PRKD2: variants seen among roughly 807,000 people sequenced by gnomAD.
PRKD2 encodes the protein serine/threonine-protein kinase D2.
In PRKD2, 22 loss-of-function variants were observed where a neutral mutation model predicts 86.0. The ratio of observed to expected loss-of-function variants is 0.26; its 90% CI spans 0.18 to 0.37. PRKD2 has a LOEUF of 0.37. PRKD2 is among the 10% of genes least tolerant of loss of function. The pLI is 1.00. For missense variants in PRKD2, 818 were observed against 1,199.2 expected (o/e 0.68, Z 4.70); for synonymous variants, 509 against 510.9 (o/e 1.00, Z 0.05).
At chr19:46,674,822 C>CT in intron 17 of PRKD2, 87 bp from the exon 18 acceptor site, 1 of 1,413,926 alleles carries the variant, frequency 7.1e-7, no homozygotes, top group Non-Finnish European at 9.6e-7. Flanking sequence ...GAGCTGGGTA[C>CT]CAATGAAGGT....
chr19:46,685,979 G>A (rs1409223453), intron 14 of PRKD2: 4 of 152,012 alleles, frequency 2.6e-5, no homozygotes, highest in African/African-American at 4.8e-5. Context: ...GTCTGGATGA[G>A]GGTGCATCAG....
intron 13 of PRKD2, 85 bp downstream of exon 13, chr19:46,690,514 CA>C: frequency 1.6e-6 from 2 of 1,227,034 alleles, no homozygotes; most frequent in East Asian, 4.7e-5. Flanking sequence ...TGCCCTCCCC[CA>C]GGAAGCCTTC....
At chr19:46,713,463 C>T (rs2053837450) in intron 2 of PRKD2, among the ~76,000 whole-genome samples, 2 of 152,042 alleles carry the variant, frequency 1.3e-5, no homozygotes, top group South Asian at 2.1e-4. Flanking sequence ...CAGGAAAGGC[C>T]GCACATCACA....
At chr19:46,698,504 T>C (rs2053592500) in intron 7 of PRKD2, among the ~76,000 whole-genome samples, 1 of 152,240 alleles carries the variant, frequency 6.6e-6, no homozygotes, top group Non-Finnish European at 1.5e-5. Context: ...CTTAGTACAG[T>C]GCCTGGCATA....
At chr19:46,676,648 C>T (rs1198771955) in intron 16 of PRKD2, among the ~76,000 whole-genome samples, 3 of 152,230 alleles carry the variant, frequency 2.0e-5, no homozygotes, top group South Asian at 2.1e-4. Context: ...TGCACACAGG[C>T]ACCCTGCTCC....
intron 3 of PRKD2, among the ~76,000 whole-genome samples, chr19:46,706,487 C>T (rs1240032474): frequency 6.6e-6 from 1 of 152,192 alleles, no homozygotes; most frequent in Non-Finnish European, 1.5e-5. Flanking sequence ...ACACAGGAAC[C>T]ATTTCCCAGT....
In PRKD2 at chr19:46,704,524, C is replaced by G; in HGVS notation, c.637G>C (p.Glu213Gln). The G allele has an allele frequency of 1.2e-6, 2 of 1,614,126 alleles. No individual in the cohort carries two copies. The highest frequency in any genetic ancestry group is 1.7e-6 in the Non-Finnish European group (2 of 1,180,018). ...TCTTCAGCCGTGCAGGGCAGGGACT[C>G]GGAGGTGCCGAGGCGCACCGAGTGG... is the stretch of plus-strand genomic sequence containing the variant. The part of the protein sequence containing the change: ...SGHSVRLGTS[E>Q]SLPCTAEELS... Residue 213 changes from glutamate to glutamine, a missense_variant, in exon 4 of 18, where the codon GAG becomes CAG. Physicochemically the swap from Glu to Gln is conservative, Grantham distance 29. Transcript: ENST00000291281.
intron 8 of PRKD2, 28 bp downstream of exon 8, chr19:46,697,705 C>G (rs370642175): frequency 7.6e-6 from 12 of 1,588,334 alleles, no homozygotes; most frequent in Non-Finnish European, 1.0e-5. Flanking sequence ...TTCGCTCCGC[C>G]GTACCCGGCC....
intron 3 of PRKD2, among the ~76,000 whole-genome samples, chr19:46,709,127 C>G (rs2053764509): frequency 6.6e-6 from 1 of 152,030 alleles, no homozygotes; most frequent in Admixed American, 6.6e-5. Context: ...TAGGCACATG[C>G]CACCACGCCC....
At chr19:46,706,644 G>C (rs894242161) in intron 3 of PRKD2, among the ~76,000 whole-genome samples, 3 of 152,170 alleles carry the variant, frequency 2.0e-5, no homozygotes, top group Admixed American at 6.6e-5. Context: ...ACCATCATCT[G>C]TGATGCTGCA....
At chr19:46,696,854 G>A (rs1235012646) in intron 9 of PRKD2, among the ~76,000 whole-genome samples, 3 of 152,166 alleles carry the variant, frequency 2.0e-5, no homozygotes, top group Non-Finnish European at 4.4e-5. Flanking sequence ...TGGTTTAGTG[G>A]ATTGGCTCTT....
At chr19:46,687,652 A>G (rs530024978) in intron 14 of PRKD2, among the ~76,000 whole-genome samples, 1 of 151,864 alleles carries the variant, frequency 6.6e-6, no homozygotes, top group East Asian at 1.9e-4. Flanking sequence ...AGTGCTCAAT[A>G]AATGTTAGTG....
chr19:46,690,120 A>T (rs2053462420), intron 13 of PRKD2, among the ~76,000 whole-genome samples: 8 of 152,026 alleles, frequency 5.3e-5, no homozygotes, highest in Admixed American at 4.6e-4. Context: ...AGAAATGGGG[A>T]GAGCTCTGCA....
Position 46,674,655 on chromosome 19 carries a change from C to T in PRKD2, c.2505G>A (p.Ala835=), listed in dbSNP as rs780287220. The T allele has an allele frequency of 2.6e-5, 42 of 1,606,946 alleles. No homozygotes were observed. Among genetic ancestry groups the T allele is most frequent in the Admixed American group, 6.7e-5 (4 of 59,976 alleles). ...GCTCTGCTGCAAACTGCTCCCAGCG[C>T]GCGTCGTCACTCTCATGCGTGATGT... The part of the protein sequence containing the change: ...ERYITHESDD[A]RWEQFAAEHP... Residue 835 remains alanine (A), a synonymous_variant, in exon 18 of 18, where the codon GCG becomes GCA. Transcript: ENST00000291281.
chr19:46,685,258 C>CAAAAAAAAAA (rs763420052), intron 14 of PRKD2, among the ~76,000 whole-genome samples: 1 of 89,096 alleles, frequency 1.1e-5, no homozygotes, highest in African/African-American at 5.2e-5. Flanking sequence ...GACTTCGTCT[C>CAAAAAAAAAA]AAAAAAAAAA....
At chr19:46,683,505 T>C (rs542151980) in intron 14 of PRKD2, among the ~76,000 whole-genome samples, 1 of 152,198 alleles carries the variant, frequency 6.6e-6, no homozygotes, top group East Asian at 1.9e-4. Context: ...GTGGATCACC[T>C]GAGGTCAGGA....
At chr19:46,712,818 C>G (rs1368125177) in intron 2 of PRKD2, among the ~76,000 whole-genome samples, 1 of 152,110 alleles carries the variant, frequency 6.6e-6, no homozygotes, top group Admixed American at 6.6e-5. Flanking sequence ...ATAGACTGCT[C>G]TAAGGTGCTG....
Position 46,716,326 on chromosome 19 carries a change from G to A in PRKD2, c.45C>T (p.Pro15=). The A allele has an allele frequency of 6.7e-7, 1 of 1,485,392 alleles. No homozygotes were observed. Among genetic ancestry groups the A allele is most frequent in the Non-Finnish European group, 8.9e-7 (1 of 1,120,416 alleles). 92.0% of individuals were successfully genotyped at this position (1,485,392 alleles called of 1,614,324 possible). The change falls in exon 1 of 18, where the codon CCC becomes CCT. Residue 15 remains proline (P), a synonymous_variant. Transcript: ENST00000291281. This position sits in a 1 kb window ranked among gnomAD's most constrained non-coding sequence, Gnocchi z 7.9. ...CGGGGGGCGGAGGAGACCCCGGCCC[G>A]GGAGAGCCAGGGAGCCCGGCGGGAT... ...PSYPAGLPGS[P]GPGSPPPPGG... is the part of the protein sequence containing the mutation.
Position 46,702,042 on chromosome 19 carries a change from T to G in PRKD2, c.890-930A>C, listed in dbSNP as rs539247856. Among the ~76,000 whole-genome samples, 63 of 150,478 alleles carry G rather than the reference T, an allele frequency of 4.2e-4. 1 individual carries two copies. The East Asian group carries it at 0.01, about 24-fold the overall frequency. On this transcript the variant is annotated intron_variant, in intron 5 of 17. Coordinates refer to ENST00000291281, the MANE Select transcript of PRKD2 (RefSeq NM_016457.5). ...GGTTCTATGATTCTGTTTTTTGTTT[T>G]TTTTTTTTTTTTTTAAGAAACAGTC... is the stretch of plus-strand genomic sequence containing the variant.
Sources: gnomAD v4.1 joint callset for allele counts (sites outside exome capture counted in the v4.1 genomes callset) on GRCh38, gnomAD v4.1.1 for gene constraint, Gnocchi (gnomAD v3.1) non-coding constraint, MANE v1.5 for transcripts, NCBI Gene and HGNC (gene_info 2026-07-23, HGNC 2026-07-21) for gene names.